Variants in EDIL3 observed in about 807,000 individuals in gnomAD.
EDIL3 encodes EGF like and discoidin domains 3.
EDIL3 carries 37 observed loss-of-function variants against 67.4 expected under a neutral mutation model. The observed-to-expected ratio is 0.55, with a 90% CI of 0.42 to 0.72. The LOEUF is 0.72. Among genes scored for constraint, EDIL3 ranks in the 30% least tolerant of loss-of-function variants. The pLI is 0.00. For missense variants in EDIL3, 527 were observed against 586.3 expected, an observed-to-expected ratio of 0.90 and a Z score of 1.04; for synonymous variants, 195 against 196.3, an observed-to-expected ratio of 0.99 and a Z score of 0.05.
chr5:84,165,930 G>T (rs1293309145), intron 4 of EDIL3, among the ~76,000 whole-genome samples: 1 of 152,024 alleles, frequency 6.6e-6, no homozygotes, highest in Non-Finnish European at 1.5e-5. Flanking sequence ...ACCCACCCTT[G>T]CCTCCTACAT....
At chr5:83,995,326 T>C (rs1056906608) in intron 9 of EDIL3, among the ~76,000 whole-genome samples, 8 of 152,024 alleles carry the variant, frequency 5.3e-5, no homozygotes, top group African/African-American at 1.9e-4. Context: ...AACACACATT[T>C]TGGAGGAGAA....
intron 10 of EDIL3, among the ~76,000 whole-genome samples, chr5:83,954,684 G>A (rs1408317710): frequency 2.0e-5 from 3 of 151,520 alleles, no homozygotes; most frequent in Admixed American, 6.6e-5. Context: ...TTCCTTAATC[G>A]TAACACAAAA....
chr5:84,320,913 C>T (rs879135054), intron 1 of EDIL3, among the ~76,000 whole-genome samples: 1 of 152,134 alleles, frequency 6.6e-6, no homozygotes, highest in African/African-American at 2.4e-5. Flanking sequence ...GAATCTTTAT[C>T]AATTTAAGAA....
At chr5:84,092,779 C>A (rs1747189891) in intron 6 of EDIL3, among the ~76,000 whole-genome samples, 1 of 131,824 alleles carries the variant, frequency 7.6e-6, no homozygotes, top group African/African-American at 2.9e-5. Flanking sequence ...AACATTTATT[C>A]TTTTAACATT....
Position 84,376,129 on chromosome 5 carries a change from A to G in EDIL3, c.67+8179T>C, listed in dbSNP as rs143902995. On this transcript the variant is annotated intron_variant, in intron 1 of 10. Coordinates refer to ENST00000296591, the MANE Select transcript of EDIL3 (RefSeq NM_005711.5). Reference sequence around the variant, plus strand: ...GCTACTTAGTAGCTCTATGATCTCTATATCTCCATTTTCTCATTTATATTT... The same window carrying G: ...GCTACTTAGTAGCTCTATGATCTCTGTATCTCCATTTTCTCATTTATATTT... 1.0e-3 allele frequency among the ~76,000 whole-genome samples: 153 copies of G among 152,254 alleles called. 2 individuals carry two copies. The highest frequency in any genetic ancestry group is 3.4e-3 in the African/African-American group (142 of 41,552).
intron 1 of EDIL3, among the ~76,000 whole-genome samples, chr5:84,264,685 TG>T (rs1322147098): frequency 1.3e-5 from 2 of 152,210 alleles, no homozygotes; most frequent in African/African-American, 2.4e-5. Context: ...CCCAGAAAAT[TG>T]TTCTTTCAGA....
intron 1 of EDIL3, among the ~76,000 whole-genome samples, chr5:84,368,322 T>C (rs1490212748): frequency 3.9e-5 from 6 of 152,160 alleles, no homozygotes; most frequent in African/African-American, 7.2e-5. Context: ...TTCACATATA[T>C]GGTGAGAGGA....
At chr5:84,190,616 A>T (rs1441365703) in intron 3 of EDIL3, among the ~76,000 whole-genome samples, 1 of 147,254 alleles carries the variant, frequency 6.8e-6, no homozygotes, top group African/African-American at 2.6e-5. Flanking sequence ...ATAAACAAAT[A>T]TCTGAGCCCA....
At chr5:84,303,721 CA>C (rs538470943) in intron 1 of EDIL3, among the ~76,000 whole-genome samples, 13 of 151,698 alleles carry the variant, frequency 8.6e-5, no homozygotes, top group Admixed American at 8.5e-4. Context: ...ACAGTATATA[CA>C]ACATTTTGAA....
chr5:83,969,495 A>AT (rs1342307327), intron 9 of EDIL3, among the ~76,000 whole-genome samples: 8 of 151,874 alleles, frequency 5.3e-5, no homozygotes, highest in African/African-American at 1.9e-4. Context: ...GAATATGAAA[A>AT]TTTTTAACCA....
At chr5:84,055,438 A>G (rs1310006810) in intron 9 of EDIL3, among the ~76,000 whole-genome samples, 1 of 146,820 alleles carries the variant, frequency 6.8e-6, no homozygotes, top group African/African-American at 2.7e-5. Context: ...CAATGGCAAT[A>G]AAAGCCAAAA....
chr5:83,943,127 C>A lies in EDIL3; in HGVS notation c.*292G>T. On this transcript the variant is annotated 3_prime_UTR_variant, in exon 11 of 11. Transcript: ENST00000296591. ...TATAAAAAGAAGGCTACTTTCTTTC[C>A]CTAATATATTTCTACCAATGCGAAT... 1 of 304,484 alleles carries A rather than the reference C, an allele frequency of 3.3e-6. No homozygotes were observed. The highest frequency in any genetic ancestry group is 6.2e-6 in the Non-Finnish European group (1 of 161,894). 18.9% of individuals were successfully genotyped at this position (304,484 alleles called of 1,614,324 possible). A position where few individuals can be genotyped will look rare whatever the true frequency, so the allele number is the denominator to read the frequency against.
intron 3 of EDIL3, among the ~76,000 whole-genome samples, chr5:84,216,337 A>G (rs1415039131): frequency 6.6e-6 from 1 of 152,256 alleles, no homozygotes; most frequent in Non-Finnish European, 1.5e-5. Context: ...TCAGAGAGGC[A>G]TTTAAAATAA....
At chr5:84,331,795 A>G (rs1746877867) in intron 1 of EDIL3, among the ~76,000 whole-genome samples, 1 of 152,184 alleles carries the variant, frequency 6.6e-6, no homozygotes, top group East Asian at 1.9e-4. Context: ...GAGCCTATTC[A>G]TTTATGTTCT....
intron 1 of EDIL3, among the ~76,000 whole-genome samples, chr5:84,314,805 T>C (rs1031655608): frequency 3.3e-5 from 5 of 152,156 alleles, no homozygotes; most frequent in African/African-American, 1.2e-4. Context: ...TAAATATGTA[T>C]GCTTATTCAA....
chr5:84,239,581 T>C (rs1306142606), intron 2 of EDIL3, among the ~76,000 whole-genome samples: 1 of 152,192 alleles, frequency 6.6e-6, no homozygotes, highest in African/African-American at 2.4e-5. Flanking sequence ...TTCAGCTACA[T>C]CTTATGGACC....
intron 1 of EDIL3, among the ~76,000 whole-genome samples, chr5:84,313,701 C>T (rs984542951): frequency 6.6e-6 from 1 of 152,178 alleles, no homozygotes; most frequent in Non-Finnish European, 1.5e-5. Context: ...TTTTAAAAAT[C>T]CCAATGCCCA....
intron 1 of EDIL3, among the ~76,000 whole-genome samples, chr5:84,323,513 G>A (rs528231151): frequency 6.6e-6 from 1 of 151,936 alleles, no homozygotes; most frequent in South Asian, 2.1e-4. Flanking sequence ...GGGACAAAAG[G>A]TATAAGGTAT....
intron 5 of EDIL3, among the ~76,000 whole-genome samples, chr5:84,131,956 G>C (rs929713769): frequency 1.3e-5 from 2 of 151,806 alleles, no homozygotes; most frequent in Non-Finnish European, 2.9e-5. Context: ...ATAGGGGCTG[G>C]GCACCGTGGC....
Sources: allele counts gnomAD v4.1 joint callset (sites outside exome capture counted in the v4.1 genomes callset), GRCh38; gene constraint gnomAD v4.1.1; transcripts MANE v1.5; gene names NCBI Gene and HGNC (gene_info 2026-07-23, HGNC 2026-07-21).